The following C8orf34 variants were observed in gnomAD, a reference collection of about 807,000 sequenced individuals.
C8orf34 encodes the protein chromosome 8 open reading frame 34, also known as uncharacterized protein C8orf34.
Under a neutral mutation model 68.3 loss-of-function variants are expected in C8orf34, and 65 were observed. The ratio of observed to expected loss-of-function variants is 0.95; its 90% CI spans 0.78 to 1.17. The LOEUF (loss-of-function observed/expected upper bound fraction) is 1.17. Ranked by LOEUF, C8orf34 falls within the 50% of genes most tolerant of loss-of-function variation. The pLI, the probability that C8orf34 is intolerant of heterozygous loss-of-function variation, is 0.00. For missense variants in C8orf34, 664 were observed against 655.4 expected, an observed-to-expected ratio of 1.01 and a Z score of -0.14; for synonymous variants, 244 against 241.2, an observed-to-expected ratio of 1.01 and a Z score of -0.11.
At chr8:68,450,876 AAGAG>A (rs1365516325) in intron 3 of C8orf34, among the ~76,000 whole-genome samples, 1 of 152,136 alleles carries the variant, frequency 6.6e-6, no homozygotes. Flanking sequence ...AGCCCCTGAT[AAGAG>A]AGTCAGCCTA....
chr8:68,646,373 G>A (rs1288617527), intron 8 of C8orf34, among the ~76,000 whole-genome samples: 2 of 151,666 alleles, frequency 1.3e-5, no homozygotes, highest in African/African-American at 4.8e-5. Context: ...TATTTATGGG[G>A]TACAATATGA....
chr8:68,456,769 T>C (rs1461165840), intron 3 of C8orf34, among the ~76,000 whole-genome samples: 3 of 152,240 alleles, frequency 2.0e-5, no homozygotes, highest in Non-Finnish European at 1.5e-5. Context: ...ATAGCACTTA[T>C]ACAATGCAAG....
chr8:68,528,443 T>C (rs1431777195), intron 6 of C8orf34, among the ~76,000 whole-genome samples: 1 of 152,238 alleles, frequency 6.6e-6, no homozygotes, highest in Non-Finnish European at 1.5e-5. Context: ...TTCTTAATTT[T>C]TCTCCTTAGT....
chr8:68,747,335 T>G (rs1399939739), intron 10 of C8orf34, among the ~76,000 whole-genome samples: 2 of 150,906 alleles, frequency 1.3e-5, no homozygotes, highest in East Asian at 1.9e-4. Context: ...AAGACAGGGA[T>G]GCCCTCTCTC....
chr8:68,798,989 C>T (rs1446198584), intron 12 of C8orf34, among the ~76,000 whole-genome samples: 1 of 152,152 alleles, frequency 6.6e-6, no homozygotes, highest in Admixed American at 6.6e-5. Flanking sequence ...ATGTCTTTGT[C>T]ATGTGCAATA....
At chr8:68,695,437 C>T (rs1167753697) in intron 8 of C8orf34, among the ~76,000 whole-genome samples, 1 of 152,140 alleles carries the variant, frequency 6.6e-6, no homozygotes, top group African/African-American at 2.4e-5. Flanking sequence ...GCATGGGCCA[C>T]CCCACCCAGC....
chr8:68,367,932 AAAAAAG>A (rs1807378442), intron 1 of C8orf34, among the ~76,000 whole-genome samples: 3 of 147,828 alleles, frequency 2.0e-5, no homozygotes, highest in Non-Finnish European at 3.0e-5. Flanking sequence ...AAAAAAAAAA[AAAAAAG>A]AAAAAAGTAC....
At chr8:68,571,070 T>C (rs976038498) in intron 7 of C8orf34, among the ~76,000 whole-genome samples, 2 of 152,120 alleles carry the variant, frequency 1.3e-5, no homozygotes, top group African/African-American at 4.8e-5. Flanking sequence ...GCACTATTCC[T>C]CCGTGGAGGA....
chr8:68,751,437 T>C (rs891174050), intron 10 of C8orf34, among the ~76,000 whole-genome samples: 4 of 152,162 alleles, frequency 2.6e-5, no homozygotes, highest in African/African-American at 9.7e-5. Context: ...AAGGACCAAG[T>C]GGACCAGCTC....
intron 8 of C8orf34, among the ~76,000 whole-genome samples, chr8:68,667,265 A>G (rs1473948071): frequency 6.6e-6 from 1 of 152,200 alleles, no homozygotes; most frequent in Non-Finnish European, 1.5e-5. Context: ...TAAAGGCTTC[A>G]TGGAGATATT....
At chr8:68,720,135 G>C (rs1821628902) in intron 9 of C8orf34, among the ~76,000 whole-genome samples, 1 of 151,964 alleles carries the variant, frequency 6.6e-6, no homozygotes, top group South Asian at 2.1e-4. Flanking sequence ...GTCAGGAAAA[G>C]TAGTAAGTAA....
At chr8:68,363,752 C>G (rs1255961548) in intron 1 of C8orf34, among the ~76,000 whole-genome samples, 23 of 78,002 alleles carry the variant, frequency 2.9e-4, no homozygotes, top group South Asian at 6.8e-4. Flanking sequence ...AAGCGCTAAA[C>G]ATGGAAAGGA....
chr8:68,432,785 G>A (rs931940539), intron 1 of C8orf34, among the ~76,000 whole-genome samples: 1 of 152,088 alleles, frequency 6.6e-6, no homozygotes, highest in Admixed American at 6.6e-5. Flanking sequence ...TGTCTGTCCT[G>A]TTCTCACTGT....
intron 1 of C8orf34, among the ~76,000 whole-genome samples, chr8:68,333,009 AGT>A (rs1805696939): frequency 6.6e-6 from 1 of 152,150 alleles, no homozygotes; most frequent in African/African-American, 2.4e-5. Context: ...ATACATTTAG[AGT>A]GTGTGTTTTC....
At chr8:68,773,905 C>A (rs1823426032) in intron 10 of C8orf34, among the ~76,000 whole-genome samples, 1 of 152,106 alleles carries the variant, frequency 6.6e-6, no homozygotes, top group Admixed American at 6.6e-5. Flanking sequence ...ATTAAGAAAA[C>A]CCACGGTCAT....
intron 5 of C8orf34, among the ~76,000 whole-genome samples, chr8:68,510,584 TATG>T (rs909288385): frequency 2.0e-5 from 3 of 152,296 alleles, no homozygotes; most frequent in African/African-American, 7.2e-5. Context: ...ATGACAAACG[TATG>T]ATAAGTTTTG....
chr8:68,460,378 A>C (rs1811753029), intron 3 of C8orf34, among the ~76,000 whole-genome samples: 1 of 152,184 alleles, frequency 6.6e-6, no homozygotes, highest in Non-Finnish European at 1.5e-5. Flanking sequence ...AGACAAACAA[A>C]AAGACAGCAG....
chr8:68,646,511 C>T (rs1214845278), intron 8 of C8orf34, among the ~76,000 whole-genome samples: 1 of 151,896 alleles, frequency 6.6e-6, no homozygotes, highest in Non-Finnish European at 1.5e-5. Flanking sequence ...ATATACAATG[C>T]ATTATTATTT....
At chr8:68,449,466 T>G (rs1811255546) in intron 3 of C8orf34, among the ~76,000 whole-genome samples, 1 of 152,054 alleles carries the variant, frequency 6.6e-6, no homozygotes, top group South Asian at 2.1e-4. Flanking sequence ...CCTGGCAACC[T>G]GCTTTTTGTC....
Sources: gnomAD v4.1 joint callset for allele counts (sites outside exome capture counted in the v4.1 genomes callset) on GRCh38, gnomAD v4.1.1 for gene constraint, MANE v1.5 for transcripts, NCBI Gene and HGNC (gene_info 2026-07-23, HGNC 2026-07-21) for gene names.